The following CDH12 variants were observed in gnomAD, a reference collection of about 807,000 sequenced individuals.
CDH12 encodes the protein cadherin-12.
Under a neutral mutation model 74.1 loss-of-function variants are expected in CDH12, and 41 were observed. The ratio of observed to expected loss-of-function variants is 0.55; its 90% CI spans 0.43 to 0.72. CDH12 has a LOEUF of 0.72. Among genes scored for constraint, CDH12 ranks in the 30% least tolerant of loss-of-function variants. The probability of loss-of-function intolerance (pLI) is 0.00; values close to 1 mark genes in which losing one functional copy is unlikely to be tolerated. For missense variants in CDH12, 945 were observed against 977.2 expected, an observed-to-expected ratio of 0.97 and a Z score of 0.44; for synonymous variants, 399 against 355.0, an observed-to-expected ratio of 1.12 and a Z score of -1.39.
intron 1 of CDH12, among the ~76,000 whole-genome samples, chr5:22,839,142 G>A (rs1296222305): frequency 2.0e-5 from 3 of 151,798 alleles, no homozygotes; most frequent in South Asian, 2.1e-4. Context: ...TTTTTTTGTA[G>A]GACAAGAGTT....
rs1276372419 is a variant in CDH12, at chr5:21,905,612, CCAGTCAAACAACTCTCCTTA to C, written c.527-50842_527-50823del. Among the ~76,000 whole-genome samples, 3 of 152,330 alleles carry C rather than the reference CCAGTCAAACAACTCTCCTTA, an allele frequency of 2.0e-5. No individual in the cohort carries two copies. In the East Asian group the frequency reaches 5.8e-4, roughly 29 times the overall value. On this transcript the variant is annotated intron_variant, in intron 6 of 14. Transcript: ENST00000382254. ...ATCACTCTCTCTCAGACTCCCAATT[CCAGTCAAACAACTCTCCTTA>C]CAGTCTGTGTTTTTTGTTTTCCTGG...
At chr5:22,487,581 T>C (rs981742060) in intron 2 of CDH12, among the ~76,000 whole-genome samples, 1 of 151,550 alleles carries the variant, frequency 6.6e-6, no homozygotes, top group Non-Finnish European at 1.5e-5. Flanking sequence ...AAAAACAAAA[T>C]AAAAACAGAA....
chr5:21,979,815 A>G (rs1378549070), intron 5 of CDH12, among the ~76,000 whole-genome samples: 1 of 152,074 alleles, frequency 6.6e-6, no homozygotes, highest in African/African-American at 2.4e-5. Flanking sequence ...CATGAGTAAA[A>G]AAAAAAAAAT....
At chr5:22,194,485 C>G (rs931708736) in intron 4 of CDH12, among the ~76,000 whole-genome samples, 2 of 151,826 alleles carry the variant, frequency 1.3e-5, no homozygotes, top group African/African-American at 4.8e-5. Context: ...GCGTCCGCCC[C>G]CATGCCCGCC....
chr5:22,709,895 T>G (rs1021947092), intron 1 of CDH12, among the ~76,000 whole-genome samples: 1 of 152,206 alleles, frequency 6.6e-6, no homozygotes, highest in African/African-American at 2.4e-5. Flanking sequence ...GAGTCCATAC[T>G]GCCTGGTTCT....
intron 5 of CDH12, among the ~76,000 whole-genome samples, chr5:21,989,568 C>A (rs116483396): frequency 0.02 from 3,077 of 152,054 alleles, 108 homozygotes; most frequent in African/African-American, 0.071. Context: ...CACTCTGTAC[C>A]CCCCATTGCC....
intron 9 of CDH12, among the ~76,000 whole-genome samples, chr5:21,809,375 T>C (rs555967241): frequency 6.6e-6 from 1 of 152,218 alleles, no homozygotes; most frequent in African/African-American, 2.4e-5. Context: ...TTTCGTCACA[T>C]ACTATAAATG....
rs190003951 is a variant in CDH12, at chr5:22,773,580, T to C, written c.-523+79478A>G. On this transcript the variant is annotated intron_variant, in intron 1 of 14. Transcript: ENST00000382254. ...AACCTAGGAAACACCATTTTGCACATTGGCTTTTGCAAAAACTTCATGACT... is the reference window on the plus strand; with the variant it reads ...AACCTAGGAAACACCATTTTGCACACTGGCTTTTGCAAAAACTTCATGACT... Among the ~76,000 whole-genome samples, 10 of 152,250 alleles carry C rather than the reference T, an allele frequency of 6.6e-5. No individual in the cohort carries two copies. In the East Asian group the frequency reaches 1.5e-3, roughly 24 times the overall value.
chr5:22,531,356 G>C (rs1181302065), intron 1 of CDH12, among the ~76,000 whole-genome samples: 1 of 152,020 alleles, frequency 6.6e-6, no homozygotes, highest in Non-Finnish European at 1.5e-5. Context: ...ATGTTATGGT[G>C]AATGATGCAG....
At chr5:21,833,929 A>T (rs530541260) in intron 8 of CDH12, among the ~76,000 whole-genome samples, 3 of 151,904 alleles carry the variant, frequency 2.0e-5, no homozygotes, top group Middle Eastern at 3.4e-3. Flanking sequence ...GCATGTATTC[A>T]TTTTTACTTT....
intron 4 of CDH12, among the ~76,000 whole-genome samples, chr5:22,166,167 T>G (rs1156393778): frequency 6.6e-6 from 1 of 151,988 alleles, no homozygotes; most frequent in Non-Finnish European, 1.5e-5. Context: ...TATCACTTTT[T>G]TTAAAAAAAT....
At chr5:21,862,056 T>A (rs1164079130) in intron 6 of CDH12, among the ~76,000 whole-genome samples, 1 of 152,038 alleles carries the variant, frequency 6.6e-6, no homozygotes, top group Non-Finnish European at 1.5e-5. Context: ...TGGTTTTCTT[T>A]CGTGTGAATG....
intron 1 of CDH12, among the ~76,000 whole-genome samples, chr5:22,785,855 A>C (rs2126364422): frequency 6.6e-6 from 1 of 152,244 alleles, no homozygotes; most frequent in Non-Finnish European, 1.5e-5. Flanking sequence ...AGGAACCCTT[A>C]CACACTGTTT....
At chr5:22,542,989 C>A (rs1208413661) in intron 1 of CDH12, among the ~76,000 whole-genome samples, 1 of 152,056 alleles carries the variant, frequency 6.6e-6, no homozygotes, top group African/African-American at 2.4e-5. Context: ...TTTAAAAAGT[C>A]AGAGAAAGCT....
At chr5:22,017,461 T>C (rs2150157911) in intron 5 of CDH12, among the ~76,000 whole-genome samples, 1 of 152,266 alleles carries the variant, frequency 6.6e-6, no homozygotes, top group East Asian at 1.9e-4. Context: ...GAATTAACTG[T>C]TTTTCAGATG....
chr5:22,574,063 G>GTC (rs1440373190), intron 1 of CDH12, among the ~76,000 whole-genome samples: 71 of 141,984 alleles, frequency 5.0e-4, no homozygotes, highest in African/African-American at 1.7e-3. Context: ...ACTTTTCTCT[G>GTC]TCTCTCTCTC....
chr5:21,832,802 ATT>A (rs1181687791), intron 8 of CDH12, among the ~76,000 whole-genome samples: 3 of 86,148 alleles, frequency 3.5e-5, no homozygotes, highest in African/African-American at 9.3e-5. Context: ...TAATATATAT[ATT>A]ATCATATAAT....
intron 1 of CDH12, among the ~76,000 whole-genome samples, chr5:22,814,679 T>C (rs1456517278): frequency 6.6e-6 from 1 of 152,216 alleles, no homozygotes; most frequent in Non-Finnish European, 1.5e-5. Context: ...GTTCAGCCAT[T>C]TCTTCATCTA....
intron 13 of CDH12, among the ~76,000 whole-genome samples, chr5:21,756,482 T>A (rs904454536): frequency 7.2e-5 from 11 of 152,324 alleles, no homozygotes; most frequent in African/African-American, 2.6e-4. Context: ...TAACTCATTG[T>A]AATTCTGGTT....
Sources: allele counts gnomAD v4.1 joint callset (sites outside exome capture counted in the v4.1 genomes callset), GRCh38; gene constraint gnomAD v4.1.1; transcripts MANE v1.5; gene names NCBI Gene and HGNC (gene_info 2026-07-23, HGNC 2026-07-21).